WWTR1: variants seen among roughly 807,000 people sequenced by gnomAD.
WWTR1 encodes WW domain containing transcription regulator 1.
WWTR1 carries 13 observed loss-of-function variants against 40.1 expected under a neutral mutation model. The observed-to-expected ratio is 0.32, with a 90% CI of 0.21 to 0.52. The LOEUF (loss-of-function observed/expected upper bound fraction) is 0.52, where lower values mean the gene tolerates loss of function less well. Ranked by LOEUF, WWTR1 falls within the 20% of genes least tolerant of loss-of-function variation. The pLI is 0.97. For synonymous variants in WWTR1, 230 were observed against 210.1 expected (o/e 1.09, Z -0.82); for missense variants, 436 against 523.1 (o/e 0.83, Z 1.63).
chr3:149,690,260 C>T (rs907880627), intron 1 of WWTR1, among the ~76,000 whole-genome samples: 1 of 151,844 alleles, frequency 6.6e-6, no homozygotes, highest in South Asian at 2.1e-4. Flanking sequence ...GGAGTAAGTC[C>T]CCACTTACCA....
chr3:149,624,014 C>T (rs1229965798), intron 2 of WWTR1, among the ~76,000 whole-genome samples: 6 of 152,162 alleles, frequency 3.9e-5, no homozygotes, highest in African/African-American at 1.2e-4. Flanking sequence ...ATGTGGTTAT[C>T]GTCTGCCCAG....
intron 2 of WWTR1, among the ~76,000 whole-genome samples, chr3:149,615,999 G>A (rs1290975286): frequency 6.6e-6 from 1 of 152,150 alleles, no homozygotes; most frequent in Non-Finnish European, 1.5e-5. Flanking sequence ...TCTGATGGAG[G>A]CCATCCTGAC....
chr3:149,605,744 T>A (rs2108058162), intron 2 of WWTR1, among the ~76,000 whole-genome samples: 1 of 152,182 alleles, frequency 6.6e-6, no homozygotes, highest in South Asian at 2.1e-4. Flanking sequence ...AGTTACAGAC[T>A]CCCTCAAGCC....
chr3:149,676,117 G>A (rs754204735), intron 1 of WWTR1, among the ~76,000 whole-genome samples: 2 of 152,022 alleles, frequency 1.3e-5, no homozygotes, highest in Non-Finnish European at 2.9e-5. Flanking sequence ...ACCTCCAGGC[G>A]GAATCCAGCA....
chr3:149,699,746 T>C (rs1274720660), intron 1 of WWTR1, among the ~76,000 whole-genome samples: 16 of 152,210 alleles, frequency 1.1e-4, no homozygotes, highest in Non-Finnish European at 2.2e-4. Flanking sequence ...TGGACTTTAC[T>C]GTCAATATCT....
At chr3:149,535,196 G>T (rs1337089168) in intron 4 of WWTR1, among the ~76,000 whole-genome samples, 1 of 149,944 alleles carries the variant, frequency 6.7e-6, no homozygotes, top group African/African-American at 2.5e-5. Context: ...AGATTGGATT[G>T]TTTTAATTAT....
At chr3:149,657,349 G>A (rs1335508348) in intron 1 of WWTR1, 40 bp from the exon 2 acceptor site, 11 of 1,560,292 alleles carry the variant, frequency 7.0e-6, no homozygotes, top group East Asian at 2.3e-5. Flanking sequence ...ATTTAAAGTC[G>A]GAGGAAGTGG....
chr3:149,588,981 G>A (rs1738573102), intron 2 of WWTR1, among the ~76,000 whole-genome samples: 1 of 152,220 alleles, frequency 6.6e-6, no homozygotes, highest in African/African-American at 2.4e-5. Context: ...AAGGGATAAA[G>A]AGGATCAAGG....
chr3:149,619,007 G>A (rs1328670568), intron 2 of WWTR1, among the ~76,000 whole-genome samples: 1 of 152,192 alleles, frequency 6.6e-6, no homozygotes, highest in Admixed American at 6.5e-5. Flanking sequence ...GGAAATCCAA[G>A]ATAAACGTGC....
intron 1 of WWTR1, among the ~76,000 whole-genome samples, chr3:149,691,299 T>C (rs1480417116): frequency 2.7e-5 from 4 of 149,410 alleles, no homozygotes; most frequent in Non-Finnish European, 5.9e-5. Context: ...ATTAGTAGAA[T>C]AAATAATAAA....
intron 2 of WWTR1, among the ~76,000 whole-genome samples, chr3:149,620,565 C>A (rs1230607079): frequency 2.5e-3 from 69 of 27,392 alleles, no homozygotes; most frequent in African/African-American, 0.019. Flanking sequence ...CTCCACCGCT[C>A]CCCCCCACAC....
chr3:149,628,335 C>G (rs1711496787), intron 2 of WWTR1, among the ~76,000 whole-genome samples: 3 of 152,240 alleles, frequency 2.0e-5, no homozygotes, highest in Admixed American at 6.5e-5. Context: ...CGCCACTGCA[C>G]TCCAGCCTGG....
chr3:149,547,883 A>G (rs1462301778), intron 3 of WWTR1, among the ~76,000 whole-genome samples: 1 of 148,134 alleles, frequency 6.8e-6, no homozygotes, highest in East Asian at 2.0e-4. Context: ...TGATAAAACC[A>G]TGCTCTGCAG....
intron 2 of WWTR1, among the ~76,000 whole-genome samples, chr3:149,579,736 A>C (rs1314878257): frequency 6.6e-6 from 1 of 152,240 alleles, no homozygotes; most frequent in Non-Finnish European, 1.5e-5. Context: ...TCAGAAAATC[A>C]GATTTTTAAA....
chr3:149,559,293 CAAAAAAA>C (rs57470539), intron 3 of WWTR1, among the ~76,000 whole-genome samples: 16 of 58,116 alleles, frequency 2.8e-4, no homozygotes, highest in East Asian at 1.5e-3. Context: ...GACTCCATCT[CAAAAAAA>C]AAAAAAAAAA....
intron 3 of WWTR1, among the ~76,000 whole-genome samples, chr3:149,563,387 G>A (rs746606543): frequency 1.3e-5 from 2 of 152,158 alleles, no homozygotes; most frequent in Non-Finnish European, 2.9e-5. Context: ...AACTGAAGCA[G>A]ACTTGTACAT....
intron 6 of WWTR1, among the ~76,000 whole-genome samples, chr3:149,523,928 A>G (rs1735172878): frequency 6.6e-6 from 1 of 152,216 alleles, no homozygotes; most frequent in Admixed American, 6.5e-5. Context: ...CTTGGCACTC[A>G]CATTCCCACA....
At chr3:149,618,871 C>G (rs1215646581) in intron 2 of WWTR1, among the ~76,000 whole-genome samples, 2 of 152,142 alleles carry the variant, frequency 1.3e-5, no homozygotes, top group Non-Finnish European at 2.9e-5. Flanking sequence ...CTCCTCCCCC[C>G]TCCCCACCAC....
chr3:149,544,405 A>G lies in WWTR1; in HGVS notation c.569-1868T>C, dbSNP rs77908235. 2.9e-3 allele frequency among the ~76,000 whole-genome samples: 444 copies of G among 152,272 alleles called. 11 individuals carry two copies. In the East Asian group the frequency reaches 0.063, roughly 22 times the overall value. ...TTGCAATTCCTGCTGCGTGTCATGC[A>G]CTGGGCTTAAACTTGGAAAAATAGC... On this transcript the variant is annotated intron_variant, in intron 3 of 6. Coordinates refer to ENST00000360632, the MANE Select transcript of WWTR1 (RefSeq NM_015472.6).
Sources: gnomAD v4.1 joint callset for allele counts (sites outside exome capture counted in the v4.1 genomes callset) on GRCh38, gnomAD v4.1.1 for gene constraint, MANE v1.5 for transcripts, NCBI Gene and HGNC (gene_info 2026-07-23, HGNC 2026-07-21) for gene names.